Variants in DPYD observed in about 807,000 individuals in gnomAD.
DPYD encodes the protein dihydropyrimidine dehydrogenase, also known as dihydropyrimidine dehydrogenase [NADP(+)].
Under a neutral mutation model 116.2 loss-of-function variants are expected in DPYD, and 109 were observed. The observed-to-expected ratio is 0.94, with a 90% CI of 0.80 to 1.10. The LOEUF is 1.10. DPYD is among the 50% of genes least tolerant of loss of function. The probability of loss-of-function intolerance (pLI) is 0.00; values close to 1 mark genes in which losing one functional copy is unlikely to be tolerated. For missense variants in DPYD, 1,302 were observed against 1,254.5 expected, an observed-to-expected ratio of 1.04 and a Z score of -0.57; for synonymous variants, 440 against 432.0, an observed-to-expected ratio of 1.02 and a Z score of -0.23.
chr1:97,768,114 TGAG>T (rs1665960046), intron 3 of DPYD, among the ~76,000 whole-genome samples: 1 of 152,184 alleles, frequency 6.6e-6, no homozygotes, highest in African/African-American at 2.4e-5. Flanking sequence ...TTTGGGAATC[TGAG>T]TAGTATTCTC....
chr1:97,457,919 T>C (rs914578975), intron 13 of DPYD, among the ~76,000 whole-genome samples: 45 of 152,108 alleles, frequency 3.0e-4, no homozygotes, highest in Non-Finnish European at 1.0e-4. Context: ...ATGAAGGGCT[T>C]TTTTAGTGCT....
intron 13 of DPYD, among the ~76,000 whole-genome samples, chr1:97,504,082 G>GAT (rs760083323): frequency 6.6e-6 from 1 of 151,984 alleles, no homozygotes; most frequent in Non-Finnish European, 1.5e-5. Flanking sequence ...GTTAGGGATG[G>GAT]ATGTTGGAGA....
intron 5 of DPYD, among the ~76,000 whole-genome samples, chr1:97,711,672 CAAAT>C (rs1662292771): frequency 6.6e-6 from 1 of 151,938 alleles, no homozygotes; most frequent in Admixed American, 6.6e-5. Context: ...AAACTTTATA[CAAAT>C]AAACCTTACA....
At chr1:97,719,237 T>C (rs1230213925) in intron 5 of DPYD, among the ~76,000 whole-genome samples, 1 of 151,010 alleles carries the variant, frequency 6.6e-6, no homozygotes, top group East Asian at 1.9e-4. Context: ...ATGTGATTTA[T>C]TCCTTTTCCA....
chr1:97,279,869 C>G (rs1328276348), intron 18 of DPYD: 1 of 152,152 alleles, frequency 6.6e-6, no homozygotes, highest in South Asian at 2.1e-4. Context: ...GTAATTGAGA[C>G]AGGAAACTGA....
intron 2 of DPYD, among the ~76,000 whole-genome samples, chr1:97,850,328 A>C (rs1260549690): frequency 2.0e-5 from 3 of 152,232 alleles, no homozygotes; most frequent in African/African-American, 7.2e-5. Flanking sequence ...AATGTAGGTT[A>C]AATCTCTAAT....
chr1:97,722,690 AT>A (rs1662990114), intron 4 of DPYD, among the ~76,000 whole-genome samples: 1 of 151,672 alleles, frequency 6.6e-6, no homozygotes, highest in Non-Finnish European at 1.5e-5. Flanking sequence ...AGCCTCAGAC[AT>A]AAGTACAGAT....
chr1:97,323,629 ATATATACATATATGTG>A (rs1668533789), intron 16 of DPYD, among the ~76,000 whole-genome samples: 3 of 26,390 alleles, frequency 1.1e-4, no homozygotes, highest in Non-Finnish European at 2.9e-4. Flanking sequence ...TATACATATC[ATATATACATATATGTG>A]TATATATACA....
chr1:97,556,733 A>G (rs1002653011), intron 11 of DPYD, among the ~76,000 whole-genome samples: 10 of 149,448 alleles, frequency 6.7e-5, no homozygotes, highest in African/African-American at 2.2e-4. Flanking sequence ...TATGTGCCAC[A>G]TTTTCTTAAT....
chr1:97,700,214 T>TGAA, intron 5 of DPYD: 1 of 455,794 alleles, frequency 2.2e-6, no homozygotes, highest in Non-Finnish European at 4.4e-6. Flanking sequence ...CTAAGCATCT[T>TGAA]GAAGAGAACC....
chr1:97,828,218 C>A (rs746488669), intron 2 of DPYD, 22 bp from the exon 3 acceptor site: 2 of 1,606,056 alleles, frequency 1.2e-6, no homozygotes, highest in Admixed American at 1.7e-5. Context: ...TTAAAAATTG[C>A]ATTAATTCTC....
chr1:97,480,543 G>A (rs1158655330), intron 13 of DPYD, among the ~76,000 whole-genome samples: 5 of 152,204 alleles, frequency 3.3e-5, no homozygotes, highest in East Asian at 1.9e-4. Flanking sequence ...GTAATTGCAA[G>A]TATAGCTTAA....
At chr1:97,698,230 A>C (rs1405990553) in intron 6 of DPYD, among the ~76,000 whole-genome samples, 1 of 151,854 alleles carries the variant, frequency 6.6e-6, no homozygotes, top group African/African-American at 2.4e-5. Flanking sequence ...GGTCTTCCTA[A>C]AATGTGATAT....
intron 16 of DPYD, among the ~76,000 whole-genome samples, chr1:97,310,765 A>G (rs750130822): frequency 6.6e-6 from 1 of 151,796 alleles, no homozygotes; most frequent in Non-Finnish European, 1.5e-5. Flanking sequence ...TACAAGTGAG[A>G]TGGAAACATA....
intron 19 of DPYD, among the ~76,000 whole-genome samples, chr1:97,195,740 A>G (rs1286779337): frequency 3.6e-5 from 5 of 138,782 alleles, no homozygotes; most frequent in Non-Finnish European, 7.7e-5. Context: ...TGTGTACCTA[A>G]AAAAATGCCA....
chr1:97,825,103 T>C (rs1179478395), intron 3 of DPYD, among the ~76,000 whole-genome samples: 4 of 152,110 alleles, frequency 2.6e-5, no homozygotes, highest in Admixed American at 6.6e-5. Context: ...AGCTAGCATA[T>C]TCCAGAGAAG....
intron 13 of DPYD, among the ~76,000 whole-genome samples, chr1:97,514,552 T>A (rs1439769046): frequency 6.6e-6 from 1 of 151,890 alleles, no homozygotes; most frequent in African/African-American, 2.4e-5. Context: ...ATCAATATTC[T>A]ACAAGGTTAT....
chr1:97,638,775 CTCT>C (rs1657713997), intron 8 of DPYD, among the ~76,000 whole-genome samples: 1 of 151,984 alleles, frequency 6.6e-6, no homozygotes, highest in Non-Finnish European at 1.5e-5. Flanking sequence ...AAGTGTCGGG[CTCT>C]TCTTAAAAAC....
At chr1:97,323,608 AT>A (rs1668526193) in intron 16 of DPYD, among the ~76,000 whole-genome samples, 1 of 84,328 alleles carries the variant, frequency 1.2e-5, no homozygotes, top group South Asian at 4.3e-4. Flanking sequence ...ATGTGTATAT[AT>A]ACACGTATAT....
Sources: gnomAD v4.1 joint callset for allele counts (sites outside exome capture counted in the v4.1 genomes callset) on GRCh38, gnomAD v4.1.1 for gene constraint, MANE v1.5 for transcripts, NCBI Gene and HGNC (gene_info 2026-07-23, HGNC 2026-07-21) for gene names.